The following ADGRB3 variants were observed in gnomAD, a reference collection of about 807,000 sequenced individuals.
ADGRB3 encodes brain-specific angiogenesis inhibitor 3.
A neutral mutation model predicts 193.4 loss-of-function variants in ADGRB3; 37 were observed. The ratio of observed to expected loss-of-function variants is 0.19; its 90% CI spans 0.15 to 0.25. ADGRB3 has a LOEUF of 0.25. Ranked by LOEUF, ADGRB3 falls within the 10% of genes least tolerant of loss-of-function variation. The pLI, the probability that ADGRB3 is intolerant of heterozygous loss-of-function variation, is 1.00. For synonymous variants in ADGRB3, 690 were observed against 644.2 expected, an observed-to-expected ratio of 1.07 and a Z score of -1.08; for missense variants, 1,637 against 1,852.9, an observed-to-expected ratio of 0.88 and a Z score of 2.14.
intron 3 of ADGRB3, among the ~76,000 whole-genome samples, chr6:68,927,252 T>G (rs1767207323): frequency 6.6e-6 from 1 of 152,160 alleles, no homozygotes; most frequent in Non-Finnish European, 1.5e-5. Flanking sequence ...ATCTTTTTAT[T>G]TGGTTATGTT....
At chr6:69,164,548 G>T (rs1331419621) in intron 17 of ADGRB3, among the ~76,000 whole-genome samples, 3 of 152,040 alleles carry the variant, frequency 2.0e-5, no homozygotes, top group African/African-American at 4.8e-5. Context: ...TCTCTGAGCA[G>T]GGTCTTGTTA....
At chr6:69,311,735 T>C (rs1768198770) in intron 20 of ADGRB3, among the ~76,000 whole-genome samples, 1 of 151,726 alleles carries the variant, frequency 6.6e-6, no homozygotes. Context: ...CTTCTTTTTA[T>C]TAAATTTCAG....
chr6:69,195,644 C>T (rs567638107), intron 17 of ADGRB3, among the ~76,000 whole-genome samples: 73 of 151,492 alleles, frequency 4.8e-4, no homozygotes, highest in Non-Finnish European at 7.5e-4. Flanking sequence ...TTTTTGTATC[C>T]TGTGAACAAG....
chr6:68,904,515 T>G (rs770321709), intron 3 of ADGRB3, among the ~76,000 whole-genome samples: 1 of 152,204 alleles, frequency 6.6e-6, no homozygotes, highest in Non-Finnish European at 1.5e-5. Flanking sequence ...TTGGAGACAT[T>G]TCTATGTTTT....
chr6:68,906,796 A>G (rs1766561015), intron 3 of ADGRB3, among the ~76,000 whole-genome samples: 1 of 151,914 alleles, frequency 6.6e-6, no homozygotes, highest in Admixed American at 6.6e-5. Context: ...TGCTGCAAAT[A>G]TTTTTCCTGG....
intron 20 of ADGRB3, among the ~76,000 whole-genome samples, chr6:69,304,555 ATAAG>A (rs1301503014): frequency 6.6e-6 from 1 of 151,676 alleles, no homozygotes; most frequent in East Asian, 1.9e-4. Flanking sequence ...TACATTAAGC[ATAAG>A]TAAGTCATCC....
At chr6:69,003,758 G>T (rs565518028) in intron 11 of ADGRB3, among the ~76,000 whole-genome samples, 3 of 152,222 alleles carry the variant, frequency 2.0e-5, no homozygotes, top group African/African-American at 7.2e-5. Context: ...TGAAGCAATA[G>T]ATCTTGCTTC....
At chr6:69,155,374 A>G (rs1418860711) in intron 17 of ADGRB3, among the ~76,000 whole-genome samples, 2 of 152,228 alleles carry the variant, frequency 1.3e-5, no homozygotes, top group East Asian at 3.8e-4. Context: ...TTCATCTGAC[A>G]AACTAGAAAA....
At chr6:68,962,443 C>A (rs1017294598) in intron 8 of ADGRB3, among the ~76,000 whole-genome samples, 1 of 152,092 alleles carries the variant, frequency 6.6e-6, no homozygotes, top group Non-Finnish European at 1.5e-5. Flanking sequence ...TAATTATTGT[C>A]ATAATTCATT....
intron 6 of ADGRB3, among the ~76,000 whole-genome samples, chr6:68,952,130 AC>A (rs964168491): frequency 6.6e-5 from 10 of 152,114 alleles, no homozygotes; most frequent in East Asian, 1.9e-4. Context: ...CTTAATTTCT[AC>A]CCCCCCAAAG....
chr6:69,076,709 G>T (rs1772243047), intron 17 of ADGRB3, among the ~76,000 whole-genome samples: 1 of 151,956 alleles, frequency 6.6e-6, no homozygotes, highest in Admixed American at 6.6e-5. Flanking sequence ...GTCTTGGTTA[G>T]ACTCCTATAC....
At chr6:69,305,329 T>C (rs994216975) in intron 20 of ADGRB3, among the ~76,000 whole-genome samples, 5 of 151,606 alleles carry the variant, frequency 3.3e-5, no homozygotes, top group African/African-American at 7.3e-5. Flanking sequence ...ACAAAGCTGT[T>C]ATTACTCACA....
intron 3 of ADGRB3, among the ~76,000 whole-genome samples, chr6:68,845,249 A>T (rs1288335087): frequency 6.6e-6 from 1 of 152,166 alleles, no homozygotes; most frequent in Non-Finnish European, 1.5e-5. Context: ...TTATGTACTG[A>T]TAAAAATTAA....
chr6:69,296,052 G>T (rs1460314344), intron 20 of ADGRB3, among the ~76,000 whole-genome samples: 1 of 152,100 alleles, frequency 6.6e-6, no homozygotes, highest in African/African-American at 2.4e-5. Context: ...CTTCTAGCTT[G>T]TCTGTGGAGT....
chr6:68,836,741 A>C (rs1483496182), intron 3 of ADGRB3, among the ~76,000 whole-genome samples: 2 of 152,126 alleles, frequency 1.3e-5, no homozygotes, highest in African/African-American at 4.8e-5. Context: ...GTAACCCCCA[A>C]TACTTTAGGA....
At position 69,241,357 on chromosome 6, in the gene ADGRB3, T is replaced by C. The variant is rs529460501; in HGVS notation, c.2814+2131T>C. 2.0e-5 allele frequency among the ~76,000 whole-genome samples: 3 copies of C among 152,108 alleles called. No individual in the cohort carries two copies. The South Asian group carries it at 6.2e-4, about 31-fold the overall frequency. On this transcript the variant is annotated intron_variant, in intron 20 of 31. Coordinates refer to ENST00000370598, the MANE Select transcript of ADGRB3 (RefSeq NM_001704.3). ...TACCATTTTAAGACATAATATAAAA[T>C]ATTAATACAATATTTTACAATCTTT... is the stretch of plus-strand genomic sequence containing the variant.
chr6:69,239,010 T>C (rs966809706), intron 19 of ADGRB3, 114 bp from the exon 20 acceptor site: 17 of 512,706 alleles, frequency 3.3e-5, no homozygotes, highest in Non-Finnish European at 5.5e-5. Flanking sequence ...TTTGTAAATA[T>C]TCCTGTGCTA....
At chr6:69,188,057 C>T (rs1765105460) in intron 17 of ADGRB3, among the ~76,000 whole-genome samples, 1 of 152,096 alleles carries the variant, frequency 6.6e-6, no homozygotes, top group South Asian at 2.1e-4. Flanking sequence ...TAAAAGACAT[C>T]TTAAACTTTT....
At position 69,040,370 on chromosome 6, in the gene ADGRB3, T is replaced by TTTCC. The variant is rs1582414607; in HGVS notation, c.2108-7812_2108-7811insCTTC. Among the ~76,000 whole-genome samples the TTTCC allele has an allele frequency of 5.5e-5, 3 of 54,242 alleles. No individual in the cohort carries two copies. In the East Asian group the frequency reaches 3.8e-3, roughly 69 times the overall value. The allele number at this position is 54,242 out of a possible 152,430, so 35.6% of individuals were successfully genotyped here. On this transcript the variant is annotated intron_variant, in intron 13 of 31. Coordinates refer to ENST00000370598, the MANE Select transcript of ADGRB3 (RefSeq NM_001704.3). Reference sequence around the variant, plus strand: ...CTTTCTTTCTTTCTTTCTTTCTTTCTTTCTTTCCTTCTCTCTCTTTCTTTC... The same window carrying TTTCC: ...CTTTCTTTCTTTCTTTCTTTCTTTCTTTCCTTCTTTCCTTCTCTCTCTTTCTTTC...
Sources: allele counts gnomAD v4.1 joint callset (sites outside exome capture counted in the v4.1 genomes callset), GRCh38; gene constraint gnomAD v4.1.1; transcripts MANE v1.5; gene names NCBI Gene and HGNC (gene_info 2026-07-23, HGNC 2026-07-21).